Variants in INPP4B observed in about 807,000 individuals in gnomAD.
The protein encoded by INPP4B is inositol polyphosphate-4-phosphatase type II B.
Under a neutral mutation model 122.5 loss-of-function variants are expected in INPP4B, and 55 were observed. That is an observed-to-expected ratio of 0.45 (90% CI 0.36 to 0.56). INPP4B has a LOEUF of 0.56. Among genes scored for constraint, INPP4B ranks in the 20% least tolerant of loss-of-function variants. INPP4B has a pLI of 0.00. For synonymous variants in INPP4B, 403 were observed against 388.7 expected, an observed-to-expected ratio of 1.04 and a Z score of -0.43; for missense variants, 1,000 against 1,097.7, an observed-to-expected ratio of 0.91 and a Z score of 1.26.
intron 7 of INPP4B, chr4:142,383,969 C>G (rs904976661): frequency 1.6e-6 from 1 of 641,096 alleles, no homozygotes; most frequent in Non-Finnish European, 2.8e-6. Context: ...TACCATCGTG[C>G]AGCTGTCAAG....
intron 2 of INPP4B, among the ~76,000 whole-genome samples, chr4:142,529,932 AG>A (rs1393384905): frequency 6.6e-6 from 1 of 152,164 alleles, no homozygotes; most frequent in Non-Finnish European, 1.5e-5. Flanking sequence ...AAATTTGCAA[AG>A]GTTATAAAGC....
In INPP4B at chr4:142,270,718, C is replaced by T. The variant is rs1745351631; in HGVS notation, c.560G>A (p.Gly187Glu). 1.2e-6 allele frequency: 2 copies of T among 1,613,868 alleles called. No homozygotes were observed. The highest frequency in any genetic ancestry group is 2.7e-5 in the African/African-American group (2 of 74,888). ...GTCGGCTTCCCCATCCTCAATCTCC[C>T]CCATCTTCACGACACTGACTTCTAT... ...GTIEVSVVKM[G>E]EIEDGEADHI... is the part of the protein sequence containing the mutation. Residue 187 changes from glycine (G) to glutamate (E), a missense_variant, in exon 10 of 26, where the codon GGG (glycine) becomes GAG (glutamate). Transcript: ENST00000262992.
At chr4:142,543,472 T>C (rs1829173743) in intron 2 of INPP4B, among the ~76,000 whole-genome samples, 1 of 152,174 alleles carries the variant, frequency 6.6e-6, no homozygotes, top group Non-Finnish European at 1.5e-5. Context: ...AAACGAAACT[T>C]TACTTTCTGA....
intron 2 of INPP4B, among the ~76,000 whole-genome samples, chr4:142,621,663 T>A (rs2150374757): frequency 6.6e-6 from 1 of 152,030 alleles, no homozygotes; most frequent in Middle Eastern, 3.4e-3. Context: ...ATCAGTTTTC[T>A]CACAAATAGA....
At chr4:142,250,448 A>G (rs540040927) in intron 11 of INPP4B, among the ~76,000 whole-genome samples, 21 of 152,252 alleles carry the variant, frequency 1.4e-4, no homozygotes, top group Non-Finnish European at 2.9e-4. Flanking sequence ...AGACTTGAGA[A>G]GAATGTCAAT....
chr4:142,782,413 T>G (rs1774998090), intron 1 of INPP4B, among the ~76,000 whole-genome samples: 1 of 151,284 alleles, frequency 6.6e-6, no homozygotes, highest in African/African-American at 2.4e-5. Flanking sequence ...TCCAAGTCTT[T>G]GCTATCGTGA....
intron 11 of INPP4B, among the ~76,000 whole-genome samples, chr4:142,243,695 T>A (rs139667267): frequency 9.2e-5 from 14 of 152,184 alleles, no homozygotes; most frequent in Non-Finnish European, 1.9e-4. Flanking sequence ...TAGGAAAAAA[T>A]TTGGCATTTG....
chr4:142,278,382 T>G (rs1174770992), intron 9 of INPP4B, among the ~76,000 whole-genome samples: 2 of 151,808 alleles, frequency 1.3e-5, no homozygotes, highest in Non-Finnish European at 2.9e-5. Flanking sequence ...AGAATTCTTT[T>G]AGTTCTGACT....
chr4:142,597,533 A>T (rs756644679), intron 2 of INPP4B, among the ~76,000 whole-genome samples: 37 of 152,206 alleles, frequency 2.4e-4, no homozygotes, highest in Non-Finnish European at 4.7e-4. Context: ...ACTCTTCTTT[A>T]TCCTAAACTA....
chr4:142,192,282 A>T (rs1408153612), intron 15 of INPP4B, among the ~76,000 whole-genome samples: 6 of 130,692 alleles, frequency 4.6e-5, no homozygotes, highest in Non-Finnish European at 9.3e-5. Flanking sequence ...CACCATGGTT[A>T]AAAAAAAAAG....
chr4:142,706,481 G>A (rs1762487782), intron 2 of INPP4B, among the ~76,000 whole-genome samples: 2 of 152,192 alleles, frequency 1.3e-5, no homozygotes, highest in Admixed American at 1.3e-4. Flanking sequence ...TGTCTAGTCT[G>A]GCTAGGGGTA....
At chr4:142,625,225 A>G (rs1419998729) in intron 2 of INPP4B, among the ~76,000 whole-genome samples, 1 of 152,040 alleles carries the variant, frequency 6.6e-6, no homozygotes, top group Non-Finnish European at 1.5e-5. Flanking sequence ...TTGTATATCT[A>G]GAAAACCCCA....
intron 17 of INPP4B, among the ~76,000 whole-genome samples, chr4:142,153,298 A>G (rs1264309511): frequency 6.6e-6 from 1 of 152,204 alleles, no homozygotes; most frequent in Non-Finnish European, 1.5e-5. Context: ...ATGAACCTTG[A>G]TAAATCAAGC....
intron 2 of INPP4B, among the ~76,000 whole-genome samples, chr4:142,470,014 T>C (rs1371723351): frequency 6.6e-6 from 1 of 152,080 alleles, no homozygotes; most frequent in Non-Finnish European, 1.5e-5. Flanking sequence ...AGATGTATTA[T>C]GGAAGTAAAT....
At chr4:142,677,981 AAGTAC>A (rs1758063155) in intron 2 of INPP4B, among the ~76,000 whole-genome samples, 2 of 151,994 alleles carry the variant, frequency 1.3e-5, no homozygotes, top group Non-Finnish European at 2.9e-5. Flanking sequence ...CCAGAACTTA[AAGTAC>A]AATAAAAAAA....
intron 2 of INPP4B, among the ~76,000 whole-genome samples, chr4:142,648,440 C>T (rs1717625107): frequency 6.6e-6 from 1 of 152,116 alleles, no homozygotes; most frequent in African/African-American, 2.4e-5. Context: ...ACAGACTGTA[C>T]CTGGAAAAAC....
At chr4:142,163,312 G>A (rs1821041523) in intron 16 of INPP4B, among the ~76,000 whole-genome samples, 1 of 151,914 alleles carries the variant, frequency 6.6e-6, no homozygotes, top group African/African-American at 2.4e-5. Context: ...CAGATTGTCT[G>A]GGATATAAAT....
intron 16 of INPP4B, among the ~76,000 whole-genome samples, chr4:142,161,094 T>C (rs1317801778): frequency 6.6e-6 from 1 of 151,978 alleles, no homozygotes; most frequent in East Asian, 1.9e-4. Flanking sequence ...ATAGTAGAAA[T>C]GGCATAGGCA....
chr4:142,314,619 A>G, intron 8 of INPP4B, 93 bp downstream of exon 8: 2 of 1,173,388 alleles, frequency 1.7e-6, no homozygotes, highest in Non-Finnish European at 2.5e-6. Flanking sequence ...ATTCAATTTT[A>G]TTTGTCAGTT....
Sources: gnomAD v4.1 joint callset for allele counts (sites outside exome capture counted in the v4.1 genomes callset) on GRCh38, gnomAD v4.1.1 for gene constraint, MANE v1.5 for transcripts, NCBI Gene and HGNC (gene_info 2026-07-23, HGNC 2026-07-21) for gene names.